The following ANXA8 variants were observed in gnomAD, a reference collection of about 807,000 sequenced individuals.
The protein encoded by ANXA8 is annexin A8.
Under a neutral mutation model 26.8 loss-of-function variants are expected in ANXA8, and 9 were observed. The ratio of observed to expected loss-of-function variants is 0.34; its 90% CI spans 0.20 to 0.59. The LOEUF (loss-of-function observed/expected upper bound fraction) is 0.59, where lower values mean the gene tolerates loss of function less well. ANXA8 is among the 20% of genes least tolerant of loss of function. The probability of loss-of-function intolerance (pLI) is 0.84; values close to 1 mark genes in which losing one functional copy is unlikely to be tolerated. For synonymous variants in ANXA8, 39 were observed against 94.8 expected (o/e 0.41, Z 3.42); for missense variants, 83 against 238.5 (o/e 0.35, Z 4.29).
the ANXA8 span, among the ~76,000 whole-genome samples, chr10:47,744,413 G>GGGGGGGGTGGGGGGGGGAGGGGGGAA: frequency 2.5e-4 from 1 of 3,978 alleles, no homozygotes; most frequent in African/African-American, 8.1e-4. Flanking sequence ...GCTCCTGGTG[G>GGGGGGGGTGGGGGGGGGAGGGGGGAA]GGGGGGGGTT....
the ANXA8 span, among the ~76,000 whole-genome samples, chr10:47,536,821 GA>G: frequency 1.6e-5 from 2 of 124,356 alleles, no homozygotes; most frequent in Non-Finnish European, 3.1e-5. Flanking sequence ...ACAAATATTT[GA>G]TTAAGCTCAT....
the ANXA8 span, chr10:47,715,982 T>C: frequency 1.9e-5 from 23 of 1,228,416 alleles, 1 homozygote; most frequent in Non-Finnish European, 2.6e-5. Context: ...CTCTCAGGTT[T>C]AAGTGATTCT....
At chr10:47,721,031 C>T in the ANXA8 span, among the ~76,000 whole-genome samples, 2 of 139,814 alleles carry the variant, frequency 1.4e-5, no homozygotes, top group Non-Finnish European at 3.1e-5. Flanking sequence ...CCTGTAGTCC[C>T]AGCTACTTGG....
At chr10:47,565,639 C>G in the ANXA8 span, 15 of 344,880 alleles carry the variant, frequency 4.3e-5, no homozygotes, top group Admixed American at 7.3e-4. Context: ...ACTTCGGCTA[C>G]GCGGCTGCCG....
At chr10:47,982,761 C>A in the ANXA8 span, among the ~76,000 whole-genome samples, 1 of 125,488 alleles carries the variant, frequency 8.0e-6, no homozygotes, top group Non-Finnish European at 1.7e-5. Flanking sequence ...TCAAGAAAGT[C>A]AAAAAGCAAC....
the ANXA8 span, among the ~76,000 whole-genome samples, chr10:47,555,494 T>C: frequency 6.6e-6 from 1 of 151,930 alleles, no homozygotes; most frequent in Admixed American, 6.6e-5. Context: ...GGTACACTTT[T>C]CCTGTTCAAA....
chr10:47,491,487 T>C, the ANXA8 span: 3 of 666,966 alleles, frequency 4.5e-6, no homozygotes, highest in South Asian at 5.9e-5. Flanking sequence ...CCAGGGTTCC[T>C]GAGGGGCCAA....
chr10:47,645,310 T>G, the ANXA8 span, among the ~76,000 whole-genome samples: 1 of 146,652 alleles, frequency 6.8e-6, no homozygotes, highest in Admixed American at 6.8e-5. Flanking sequence ...TGTTTTAACA[T>G]AAAGGTAGTG....
upstream of ANXA8, chr10:47,484,749 G>A (rs1839997290): frequency 1.4e-6 from 1 of 708,338 alleles, no homozygotes; most frequent in Non-Finnish European, 2.2e-6. Flanking sequence ...CTCATGAACA[G>A]GTTTCATATT....
chr10:47,958,083 A>C, the ANXA8 span, among the ~76,000 whole-genome samples: 1 of 150,098 alleles, frequency 6.7e-6, no homozygotes, highest in Non-Finnish European at 1.5e-5. Context: ...AATTCAACCC[A>C]CTCCAGGATT....
the ANXA8 span, among the ~76,000 whole-genome samples, chr10:47,627,610 A>G: frequency 4.7e-5 from 7 of 150,156 alleles, no homozygotes; most frequent in South Asian, 2.1e-4. Context: ...CAGTCTTGTA[A>G]CTGAAACCCA....
chr10:47,907,365 G>GA, the ANXA8 span, among the ~76,000 whole-genome samples: 9 of 151,112 alleles, frequency 6.0e-5, no homozygotes, highest in Admixed American at 2.0e-4. Context: ...TCAAATTAAA[G>GA]AAAAAAAAGA....
chr10:47,597,613 T>C, the ANXA8 span, among the ~76,000 whole-genome samples: 5 of 139,588 alleles, frequency 3.6e-5, no homozygotes, highest in Non-Finnish European at 7.6e-5. Context: ...TACAATGCAA[T>C]ATTCAAACTG....
chr10:47,508,016 T>C, the ANXA8 span, among the ~76,000 whole-genome samples: 1 of 125,890 alleles, frequency 7.9e-6, no homozygotes, highest in Non-Finnish European at 1.7e-5. Context: ...CGCCTCAGCC[T>C]CCCAAGAAGC....
At chr10:47,945,050 G>C in the ANXA8 span, among the ~76,000 whole-genome samples, 1 of 150,506 alleles carries the variant, frequency 6.6e-6, no homozygotes, top group African/African-American at 2.5e-5. Context: ...CAGCTAGCCT[G>C]GAGTGGAGAG....
chr10:47,957,686 C>T, the ANXA8 span, among the ~76,000 whole-genome samples: 1 of 149,020 alleles, frequency 6.7e-6, no homozygotes, highest in African/African-American at 2.5e-5. Flanking sequence ...ATCACAGTGT[C>T]ACAGGGCTGT....
At chr10:47,672,862 C>T in the ANXA8 span, among the ~76,000 whole-genome samples, 9 of 151,698 alleles carry the variant, frequency 5.9e-5, 1 homozygote, top group African/African-American at 1.9e-4. Context: ...TAACTGAAAA[C>T]CTATAAAAGC....
the ANXA8 span, among the ~76,000 whole-genome samples, chr10:47,687,105 A>AAAAATAAAATAAAAT: frequency 2.3e-4 from 31 of 137,254 alleles, no homozygotes; most frequent in African/African-American, 6.3e-4. Context: ...CCCTAACTCA[A>AAAAATAAAATAAAAT]AAAATAAAAT....
the ANXA8 span, among the ~76,000 whole-genome samples, chr10:47,745,690 A>G: frequency 7.3e-6 from 1 of 137,734 alleles, no homozygotes; most frequent in African/African-American, 2.5e-5. Context: ...GGGCACAGCC[A>G]AGCACAAATT....
Sources: gnomAD v4.1 joint callset for allele counts (sites outside exome capture counted in the v4.1 genomes callset) on GRCh38, gnomAD v4.1.1 for gene constraint, MANE v1.5 for transcripts, NCBI Gene and HGNC (gene_info 2026-07-23, HGNC 2026-07-21) for gene names.